TEKT2: variants seen among roughly 807,000 people sequenced by gnomAD.
TEKT2 encodes tektin-2.
TEKT2 carries 45 observed loss-of-function variants against 49.8 expected under a neutral mutation model. That is an observed-to-expected ratio of 0.90 (90% CI 0.71 to 1.16). The LOEUF is 1.16. Ranked by LOEUF, TEKT2 falls within the 50% of genes most tolerant of loss-of-function variation. The probability of loss-of-function intolerance (pLI) is 0.00; values close to 1 mark genes in which losing one functional copy is unlikely to be tolerated. For missense variants in TEKT2, 523 were observed against 551.4 expected, an observed-to-expected ratio of 0.95 and a Z score of 0.52; for synonymous variants, 202 against 224.6, an observed-to-expected ratio of 0.90 and a Z score of 0.90.
rs1295541913 is a variant in TEKT2, at chr1:36,085,909, T to G, written c.356T>G (p.Leu119Arg). 4.3e-6 allele frequency: 7 copies of G among 1,613,918 alleles called. No homozygotes were observed. Among genetic ancestry groups the G allele is most frequent in the Non-Finnish European group, 5.9e-6 (7 of 1,180,006 alleles). ...GATGTGGCCATTGAGTGCCTGACCC[T>G]GCGGGAAAGCCGGCGAGACATTGAT... is the stretch of plus-strand genomic sequence containing the variant. ...PLDVAIECLT[L>R]RESRRDIDVV... Residue 119 changes from leucine to arginine, a missense_variant, in exon 4 of 10, where the codon CTG becomes CGG. By Grantham distance (102) the Leu-to-Arg change is moderately radical (BLOSUM62 -2). Coordinates refer to ENST00000207457, the MANE Select transcript of TEKT2 (RefSeq NM_014466.3).
chr1:36,085,027 C>T lies in TEKT2; in HGVS notation c.106C>T (p.His36Tyr). 1 of 1,614,084 alleles carries T rather than the reference C, an allele frequency of 6.2e-7. No homozygotes were observed. Among genetic ancestry groups the T allele is most frequent in the Non-Finnish European group, 8.5e-7 (1 of 1,180,042 alleles). ...TGCCCAGCTGCAGCGAGATGCTTCC[C>T]ATCAGATCCGCCAGGAGGCCCGGGT... is the stretch of plus-strand genomic sequence containing the variant. ...TNAQLQRDAS[H>Y]QIRQEARVLR... The change falls in exon 2 of 10, where the codon CAT becomes TAT. Residue 36 changes from histidine (H) to tyrosine (Y), a missense_variant. Physicochemically the swap from His to Tyr is moderately conservative, Grantham distance 83 (BLOSUM62 2). Coordinates refer to ENST00000207457, the MANE Select transcript of TEKT2 (RefSeq NM_014466.3).
At position 36,085,858 on chromosome 1, in the gene TEKT2, A is replaced by T. The variant is rs1254810088; in HGVS notation, c.305A>T (p.Asn102Ile). Residue 102 changes from asparagine (N) to isoleucine (I), a missense_variant, in exon 4 of 10, where the codon AAC (asparagine) becomes ATC (isoleucine). Physicochemically the swap from Asn to Ile is moderately radical, Grantham distance 149. Coordinates refer to ENST00000207457, the MANE Select transcript of TEKT2 (RefSeq NM_014466.3). ...LTQMKESAEQ[N>I]LQAKNLPLDV... ...TAGATGAAGGAGTCAGCAGAGCAAA[A>T]CCTGCAGGCCAAGAACCTGCCTCTG... is the stretch of plus-strand genomic sequence containing the variant. 6.2e-7 allele frequency: 1 copy of T among 1,613,620 alleles called. No individual in the cohort carries two copies. Among genetic ancestry groups the T allele is most frequent in the Non-Finnish European group, 8.5e-7 (1 of 1,179,922 alleles).
chr1:36,085,381 G>A, intron 3 of TEKT2, 93 bp downstream of exon 3: 1 of 1,591,104 alleles, frequency 6.3e-7, no homozygotes, highest in Admixed American at 1.7e-5. Context: ...GGGGGGTCAT[G>A]AGTGGCATGT....
chr1:36,085,205 A>G lies in TEKT2; in HGVS notation c.199A>G (p.Arg67Gly). The change falls in exon 3 of 10, where the codon AGG becomes GGG. Residue 67 changes from arginine (R) to glycine (G), a missense_variant. Coordinates refer to ENST00000207457, the MANE Select transcript of TEKT2 (RefSeq NM_014466.3). Reference sequence around the variant, plus strand: ...TGACAACAGGACTCGACTGGTGGAGAGGATTGATACTGTCAACCGGTGGAA... The same window carrying G: ...TGACAACAGGACTCGACTGGTGGAGGGGATTGATACTGTCAACCGGTGGAA... ...EHDNRTRLVE[R>G]IDTVNRWKEM... 1 of 1,614,216 alleles carries G rather than the reference A, an allele frequency of 6.2e-7. No homozygotes were observed. Among genetic ancestry groups the G allele is most frequent in the Non-Finnish European group, 8.5e-7 (1 of 1,180,046 alleles).
Position 36,088,160 on chromosome 1 carries a change from A to G in TEKT2, c.1267A>G (p.Lys423Glu), listed in dbSNP as rs144211989. 1 of 1,612,936 alleles carries G rather than the reference A, an allele frequency of 6.2e-7. No homozygotes were observed. The highest frequency in any genetic ancestry group is 1.3e-5 in the African/African-American group (1 of 75,056). The change falls in exon 10 of 10, where the codon AAA becomes GAA. Residue 423 changes from lysine (K) to glutamate (E), a missense_variant. By Grantham distance (56) the Lys-to-Glu change is moderately conservative (BLOSUM62 1). Coordinates refer to ENST00000207457, the MANE Select transcript of TEKT2 (RefSeq NM_014466.3). ...CACAAATAGCACCCTGAGTCCACTC[A>G]AAAGCTGCCAGCTGGAGCTGGCCTA... ...RTTNSTLSPL[K>E]SCQLELA
At chr1:36,085,116 GC>G in intron 2 of TEKT2, 39 bp downstream of exon 2, 2 of 1,614,214 alleles carry the variant, frequency 1.2e-6, no homozygotes, top group Non-Finnish European at 1.7e-6. Flanking sequence ...CAAAGGGATA[GC>G]CCCCAACCCC....
Position 36,087,308 on chromosome 1 carries a change from G to T in TEKT2, c.852G>T (p.Lys284Asn). The change falls in exon 7 of 10, where the codon AAG becomes AAT. Residue 284 changes from lysine to asparagine, a missense_variant. Transcript: ENST00000207457. This position sits in a 1 kb window ranked among gnomAD's most constrained non-coding sequence, Gnocchi z 4.9. ...KVYSELKWQE[K>N]NTLEEIAELQ... Reference sequence around the variant, plus strand: ...ACAGTGAGCTCAAGTGGCAAGAGAAGAATGTGAGCATCTCCAGGGGCCTGG... The same window carrying T: ...ACAGTGAGCTCAAGTGGCAAGAGAATAATGTGAGCATCTCCAGGGGCCTGG... 1 of 1,614,092 alleles carries T rather than the reference G, an allele frequency of 6.2e-7. No homozygotes were observed. The highest frequency in any genetic ancestry group is 1.1e-5 in the South Asian group (1 of 91,086).
Position 36,087,698 on chromosome 1 carries a change from A to G in TEKT2, c.1000-30A>G. 1.2e-6 allele frequency: 2 copies of G among 1,613,006 alleles called. No homozygotes were observed. Among genetic ancestry groups the G allele is most frequent in the Non-Finnish European group, 1.7e-6 (2 of 1,179,674 alleles). ...ACTCAGGTAAAGGACAGTGTGGCTG[A>G]CTTGGAACTCCCAACCCCTCTGCCT... is the stretch of plus-strand genomic sequence containing the variant. On this transcript the variant is annotated intron_variant, in intron 8 of 9. Transcript: ENST00000207457. The surrounding 1 kb of genome is among the most constrained non-coding windows in gnomAD (Gnocchi z 4.9).
chr1:36,085,550 T>C (rs1389903121), intron 3 of TEKT2, among the ~76,000 whole-genome samples: 2 of 145,102 alleles, frequency 1.4e-5, no homozygotes, highest in Admixed American at 7.0e-5. Context: ...CATCTGGATC[T>C]GTTGCCCAGG....
chr1:36,085,909 T>C lies in TEKT2; in HGVS notation c.356T>C (p.Leu119Pro). The change falls in exon 4 of 10, where the codon CTG (leucine) becomes CCG (proline). Residue 119 changes from leucine (L) to proline (P), a missense_variant. Transcript: ENST00000207457. ...PLDVAIECLT[L>P]RESRRDIDVV... ...GATGTGGCCATTGAGTGCCTGACCC[T>C]GCGGGAAAGCCGGCGAGACATTGAT... 1 of 1,614,036 alleles carries C rather than the reference T, an allele frequency of 6.2e-7. No homozygotes were observed. The highest frequency in any genetic ancestry group is 8.5e-7 in the Non-Finnish European group (1 of 1,179,998).
At chr1:36,085,312 C>CG (rs779364583) in intron 3 of TEKT2, 24 bp downstream of exon 3, 2 of 1,613,088 alleles carry the variant, frequency 1.2e-6, no homozygotes, top group African/African-American at 2.7e-5. Context: ...ACTGGGTGCC[C>CG]GGGGGCTGCT....
In TEKT2 at chr1:36,087,848, C is replaced by A. The variant is rs763516202; in HGVS notation, c.1079+41C>A. The A allele has an allele frequency of 4.3e-6, 7 of 1,609,310 alleles. No individual in the cohort carries two copies. Among genetic ancestry groups the A allele is most frequent in the Non-Finnish European group, 5.9e-6 (7 of 1,177,712 alleles). ...GGGCGGAAGGAGCAGTGAGACGCTG[C>A]CCACAAATGGGGCCTCTTGCTGGCT... On this transcript the variant is annotated intron_variant, in intron 9 of 9. Coordinates refer to ENST00000207457, the MANE Select transcript of TEKT2 (RefSeq NM_014466.3). The surrounding 1 kb of genome is among the most constrained non-coding windows in gnomAD (Gnocchi z 4.9).
rs781049175 is a variant in TEKT2 at position 36,088,180 on chromosome 1, G to A, written c.1287G>A (p.Leu429=). ...CACTCAAAAGCTGCCAGCTGGAGCT[G>A]GCCTAGCCTTGGAGGACTGCAGGAG... The part of the protein sequence containing the change: ...LSPLKSCQLE[L]A Residue 429 remains leucine (L), a synonymous_variant, in exon 10 of 10, where the codon CTG becomes CTA. Transcript: ENST00000207457. The A allele has an allele frequency of 2.5e-6, 4 of 1,612,346 alleles. No homozygotes were observed. Among genetic ancestry groups the A allele is most frequent in the Non-Finnish European group, 3.4e-6 (4 of 1,179,620 alleles).
chr1:36,084,949 C>T lies in TEKT2; in HGVS notation c.28C>T (p.Arg10Trp), dbSNP rs770626386. 1.4e-5 allele frequency: 23 copies of T among 1,613,954 alleles called. No homozygotes were observed. Among genetic ancestry groups the T allele is most frequent in the African/African-American group, 2.7e-5 (2 of 74,942 alleles). The change falls in exon 2 of 10, where the codon CGG becomes TGG. Residue 10 changes from arginine (R) to tryptophan (W), a missense_variant. Arg to Trp is a moderately radical substitution (Grantham distance 101, BLOSUM62 -3). Transcript: ENST00000207457. This position sits in a 1 kb window ranked among gnomAD's most constrained non-coding sequence, Gnocchi z 4.1. MATLSVKPS[R>W]RFQLPDWHTN... is the part of the protein sequence containing the mutation. ...GGCCACGCTGAGCGTCAAGCCAAGT[C>T]GGCGCTTCCAGCTGCCCGACTGGCA...
rs1643391581 is a variant in TEKT2, at chr1:36,087,136, C to T, written c.748-68C>T. 17 of 1,604,988 alleles carry T rather than the reference C, an allele frequency of 1.1e-5. No individual in the cohort carries two copies. The highest frequency in any genetic ancestry group is 6.6e-5 in the South Asian group (6 of 90,744). On this transcript the variant is annotated intron_variant, in intron 6 of 9. Transcript: ENST00000207457. This position sits in a 1 kb window ranked among gnomAD's most constrained non-coding sequence, Gnocchi z 4.9. ...GCTGTGCATGTGGCCCCCTGCCCCT[C>T]GCTTGAGTAATATCCTCAGGCAGCC...
In TEKT2 at chr1:36,086,949, G is replaced by A. The variant is rs767760815; in HGVS notation, c.651G>A (p.Gln217=). 2 of 1,613,926 alleles carry A rather than the reference G, an allele frequency of 1.2e-6. No individual in the cohort carries two copies. Among genetic ancestry groups the A allele is most frequent in the Non-Finnish European group, 1.7e-6 (2 of 1,180,032 alleles). ...CCTGCAGCTCCACCACACTCCAGCA[G>A]TGGGATGACTTCAGTCGGTTCAACA... ...RVPDGSTTLQ[Q]WDDFSRFNKD... The change falls in exon 6 of 10, where the codon CAG becomes CAA. Residue 217 remains glutamine (Q), a synonymous_variant. Transcript: ENST00000207457.
chr1:36,088,111 TG>T lies in TEKT2; in HGVS notation c.1219del (p.Glu407ArgfsTer13). ...LTVPAERFVP[E>X]VDTFTRTTNS... ...CCGTGCCTGCTGAGAGGTTCGTGCC[TG>T]AGGTGGACACCTTCACACGTACCAC... On this transcript the variant is annotated frameshift_variant, in exon 10 of 10. Coordinates refer to ENST00000207457, the MANE Select transcript of TEKT2 (RefSeq NM_014466.3). LOFTEE classifies it high-confidence loss of function. The T allele has an allele frequency of 6.2e-7, 1 of 1,613,032 alleles. No homozygotes were observed. Among genetic ancestry groups the T allele is most frequent in the Non-Finnish European group, 8.5e-7 (1 of 1,179,978 alleles).
chr1:36,086,719 CCAA>C lies in TEKT2; in HGVS notation c.507_509del (p.Gln171del), dbSNP rs1386894826. On this transcript the variant is annotated inframe_deletion, in exon 5 of 10. Coordinates refer to ENST00000207457, the MANE Select transcript of TEKT2 (RefSeq NM_014466.3). ...CTTTCCCCAGCCTCTTGCAGGAAGT[CCAA>C]CAGCAGCTCAACTCCGACCATCGGG... The C allele has an allele frequency of 6.2e-7, 1 of 1,614,074 alleles. No individual in the cohort carries two copies. Among genetic ancestry groups the C allele is most frequent in the Non-Finnish European group, 8.5e-7 (1 of 1,180,024 alleles).
At position 36,087,025 on chromosome 1, in the gene TEKT2, A is replaced by G; in HGVS notation, c.727A>G (p.Thr243Ala). Reference protein sequence around the residue: ...MKAATELREATALTIAETNNE... With the variant: ...MKAATELREAAALTIAETNNE... ...GGCAGCCACAGAGCTGAGGGAGGCCACTGCTCTAACTATTGCTGAGGTGAC... is the reference window on the plus strand; with the variant it reads ...GGCAGCCACAGAGCTGAGGGAGGCCGCTGCTCTAACTATTGCTGAGGTGAC... Residue 243 changes from threonine (T) to alanine (A), a missense_variant, in exon 6 of 10, where the codon ACT becomes GCT. Physicochemically the swap from Thr to Ala is moderately conservative, Grantham distance 58. Transcript: ENST00000207457. This position sits in a 1 kb window ranked among gnomAD's most constrained non-coding sequence, Gnocchi z 4.9. 2 of 1,614,000 alleles carry G rather than the reference A, an allele frequency of 1.2e-6. No individual in the cohort carries two copies. The highest frequency in any genetic ancestry group is 1.7e-6 in the Non-Finnish European group (2 of 1,180,004).
Sources: gnomAD v4.1 joint callset for allele counts (sites outside exome capture counted in the v4.1 genomes callset) on GRCh38, gnomAD v4.1.1 for gene constraint, Gnocchi (gnomAD v3.1) non-coding constraint, MANE v1.5 for transcripts, NCBI Gene and HGNC (gene_info 2026-07-23, HGNC 2026-07-21) for gene names.